Variants in GPC5 observed in about 807,000 individuals in gnomAD.
GPC5 encodes glypican-5.
GPC5 carries 47 observed loss-of-function variants against 53.9 expected under a neutral mutation model. That is an observed-to-expected ratio of 0.87 (90% CI 0.69 to 1.11). GPC5 has a LOEUF of 1.11. Ranked by LOEUF, GPC5 falls within the 50% of genes most tolerant of loss-of-function variation. GPC5 has a pLI of 0.00. For missense variants in GPC5, 748 were observed against 713.1 expected (o/e 1.05, Z -0.56); for synonymous variants, 286 against 263.3 (o/e 1.09, Z -0.84).
At chr13:91,583,114 C>G (rs1566527267) in intron 2 of GPC5, among the ~76,000 whole-genome samples, 1 of 152,204 alleles carries the variant, frequency 6.6e-6, no homozygotes, top group East Asian at 1.9e-4. Context: ...AAACATTATA[C>G]TTAATAATAA....
rs1246211835 is a variant in GPC5, at chr13:91,432,207, G to GCTGCTGCTGCTGCTGC, written c.164-16554_164-16553insCTGCTGCTGCTGCTGC. Among the ~76,000 whole-genome samples the GCTGCTGCTGCTGCTGC allele has an allele frequency of 2.1e-3, 255 of 121,572 alleles. 2 individuals are homozygous for GCTGCTGCTGCTGCTGC. Among genetic ancestry groups the GCTGCTGCTGCTGCTGC allele is most frequent in the African/African-American group, 8.3e-3 (239 of 28,736 alleles). The allele number at this position is 121,572 out of a possible 152,430, so 79.8% of individuals were successfully genotyped here. A position where few individuals can be genotyped will look rare whatever the true frequency, so the allele number is the denominator to read the frequency against. On this transcript the variant is annotated intron_variant, in intron 1 of 7. Transcript: ENST00000377067. Reference sequence around the variant, plus strand: ...CCACTGCTGCTGCTGCTGCTGCTGTGTGTGTGTGTGTGTGTGTGTGTGTGT... The same window carrying GCTGCTGCTGCTGCTGC: ...CCACTGCTGCTGCTGCTGCTGCTGTGCTGCTGCTGCTGCTGCTGTGTGTGTGTGTGTGTGTGTGTGT...
At chr13:92,390,995 G>T (rs1874975790) in intron 7 of GPC5, among the ~76,000 whole-genome samples, 1 of 151,988 alleles carries the variant, frequency 6.6e-6, no homozygotes, top group Non-Finnish European at 1.5e-5. Flanking sequence ...AAAATGTAGA[G>T]ATAAAATTAT....
At chr13:91,594,285 C>T (rs1023150956) in intron 2 of GPC5, among the ~76,000 whole-genome samples, 4 of 152,144 alleles carry the variant, frequency 2.6e-5, no homozygotes, top group Non-Finnish European at 4.4e-5. Context: ...AAGAGGCCTT[C>T]GAAGGCCTTT....
At chr13:92,004,590 G>T (rs995937332) in intron 6 of GPC5, among the ~76,000 whole-genome samples, 1 of 149,816 alleles carries the variant, frequency 6.7e-6, no homozygotes, top group South Asian at 2.1e-4. Context: ...ATTAATGTTA[G>T]ATAGAATAGA....
intron 5 of GPC5, among the ~76,000 whole-genome samples, chr13:91,769,097 A>G (rs2037576372): frequency 6.6e-6 from 1 of 152,192 alleles, no homozygotes; most frequent in East Asian, 1.9e-4. Context: ...TCCAAAATCT[A>G]CAGGGAATGC....
chr13:91,705,758 A>G lies in GPC5; in HGVS notation c.1020+11877A>G, dbSNP rs146691369. On this transcript the variant is annotated intron_variant, in intron 3 of 7. Transcript: ENST00000377067. ...TTCCAATAATAAAGTAGTAACTGTTAAGAAAAATTACCCAAAACCTGAAAA... is the reference window on the plus strand; with the variant it reads ...TTCCAATAATAAAGTAGTAACTGTTGAGAAAAATTACCCAAAACCTGAAAA... Among the ~76,000 whole-genome samples, 799 of 148,608 alleles carry G rather than the reference A, an allele frequency of 5.4e-3. 14 individuals carry two copies. The highest frequency in any genetic ancestry group is 0.019 in the African/African-American group (770 of 40,792).
chr13:92,810,419 A>G (rs1877252295), intron 7 of GPC5, among the ~76,000 whole-genome samples: 1 of 151,990 alleles, frequency 6.6e-6, no homozygotes, highest in South Asian at 2.1e-4. Context: ...CCAGAAAATG[A>G]TTTTTTCCTG....
chr13:92,340,137 T>G (rs1258610879), intron 7 of GPC5: 1 of 152,158 alleles, frequency 6.6e-6, no homozygotes, highest in African/African-American at 2.4e-5. Flanking sequence ...AATTCTGGAT[T>G]ATTAATTAAG....
chr13:92,841,709 A>T (rs921990708), intron 7 of GPC5, among the ~76,000 whole-genome samples: 2 of 152,140 alleles, frequency 1.3e-5, no homozygotes, highest in Non-Finnish European at 2.9e-5. Context: ...GTTCAAATCA[A>T]TGTCAATAAA....
intron 6 of GPC5, among the ~76,000 whole-genome samples, chr13:91,921,378 A>T (rs2039712583): frequency 6.6e-6 from 1 of 152,210 alleles, no homozygotes; most frequent in African/African-American, 2.4e-5. Context: ...AAGTTTTCTA[A>T]GTCAAAAAAA....
Position 91,625,101 on chromosome 13 carries a change from G to C in GPC5, c.326-68086G>C, listed in dbSNP as rs534432352. 6.6e-5 allele frequency among the ~76,000 whole-genome samples: 10 copies of C among 151,812 alleles called. No homozygotes were observed. In the East Asian group the frequency reaches 1.5e-3, roughly 24 times the overall value. On this transcript the variant is annotated intron_variant, in intron 2 of 7. Coordinates refer to ENST00000377067, the MANE Select transcript of GPC5 (RefSeq NM_004466.6). ...ATTCAAGAAAATCAATAAGAACCCT[G>C]TTGAAGCAAAGAAAAAAGGGAGGGA... is the stretch of plus-strand genomic sequence containing the variant.
intron 2 of GPC5, among the ~76,000 whole-genome samples, chr13:91,522,471 C>T (rs1342806094): frequency 6.6e-6 from 1 of 152,142 alleles, no homozygotes; most frequent in Non-Finnish European, 1.5e-5. Context: ...CATAGCTGCG[C>T]ACTCTTTTTT....
At chr13:92,330,378 T>A (rs556426799) in intron 7 of GPC5, among the ~76,000 whole-genome samples, 1 of 152,308 alleles carries the variant, frequency 6.6e-6, no homozygotes, top group African/African-American at 2.4e-5. Flanking sequence ...GTGAAACAAT[T>A]TCTTGCAGCA....
intron 7 of GPC5, among the ~76,000 whole-genome samples, chr13:92,238,914 A>C (rs1001438266): frequency 1.3e-5 from 2 of 151,158 alleles, no homozygotes; most frequent in Admixed American, 1.3e-4. Flanking sequence ...AACTATTTTG[A>C]CTAAATTTTT....
chr13:91,702,141 A>G (rs1471805641), intron 3 of GPC5, among the ~76,000 whole-genome samples: 3 of 151,842 alleles, frequency 2.0e-5, no homozygotes, highest in South Asian at 4.1e-4. Context: ...GGTTAAGGTT[A>G]TTTGTTTTAT....
At chr13:91,436,285 T>C (rs1410638552) in intron 1 of GPC5, among the ~76,000 whole-genome samples, 1 of 152,016 alleles carries the variant, frequency 6.6e-6, no homozygotes, top group Admixed American at 6.6e-5. Context: ...TGTTAGGGTG[T>C]CAATTTTAGA....
chr13:92,139,022 A>G (rs966406235), intron 6 of GPC5, among the ~76,000 whole-genome samples: 1 of 152,346 alleles, frequency 6.6e-6, no homozygotes, highest in African/African-American at 2.4e-5. Flanking sequence ...GGGTAATTAG[A>G]ACATTTTTCT....
intron 5 of GPC5, among the ~76,000 whole-genome samples, chr13:91,897,670 G>A (rs990149025): frequency 2.9e-4 from 44 of 152,058 alleles, no homozygotes; most frequent in Non-Finnish European, 4.0e-4. Flanking sequence ...ATAAAAATAT[G>A]CACATTTGCC....
intron 7 of GPC5, among the ~76,000 whole-genome samples, chr13:92,257,334 T>C (rs1397513607): frequency 6.6e-6 from 1 of 152,062 alleles, no homozygotes; most frequent in Non-Finnish European, 1.5e-5. Flanking sequence ...TGCTGTTTAA[T>C]GAAACAACTG....
Sources: gnomAD v4.1 joint callset for allele counts (sites outside exome capture counted in the v4.1 genomes callset) on GRCh38, gnomAD v4.1.1 for gene constraint, MANE v1.5 for transcripts, NCBI Gene and HGNC (gene_info 2026-07-23, HGNC 2026-07-21) for gene names.